Variants in MAX observed in about 807,000 individuals in gnomAD.
MAX encodes the protein MYC associated transcriptional regulator X.
A neutral mutation model predicts 22.3 loss-of-function variants in MAX; 3 were observed. The observed-to-expected ratio is 0.13, with a 90% CI of 0.06 to 0.35. The LOEUF is 0.35. MAX is among the 10% of genes least tolerant of loss of function. MAX has a pLI of 1.00. For missense variants in MAX, 119 were observed against 209.4 expected, an observed-to-expected ratio of 0.57 and a Z score of 2.66; for synonymous variants, 72 against 77.7, an observed-to-expected ratio of 0.93 and a Z score of 0.39.
rs1046124031 is a variant in MAX at position 65,017,664 on chromosome 14, T to A, written c.172-11380A>T. The stretch of plus-strand genomic sequence containing the variant: ...GAGAATGTTTAAAAAAAATTTTTTT[T>A]AAATGTAAAGCTGGGTGTGGTGGCT... On this transcript the variant is annotated intron_variant, in intron 3 of 3. Transcript: ENST00000341653. Among the ~76,000 whole-genome samples the A allele has an allele frequency of 2.3e-4, 35 of 152,170 alleles. 1 individual carries two copies. The highest frequency in any genetic ancestry group is 2.1e-3 in the Admixed American group (32 of 15,262).
intron 3 of MAX, chr14:65,061,304 A>G (rs757618028): frequency 3.7e-6 from 6 of 1,613,834 alleles, no homozygotes; most frequent in Non-Finnish European, 4.2e-6. Context: ...AGAGCCTGCA[A>G]CCGACTAGAG....
intron 3 of MAX, among the ~76,000 whole-genome samples, chr14:65,059,932 C>T (rs764323133): frequency 6.7e-6 from 1 of 149,766 alleles, no homozygotes; most frequent in African/African-American, 2.5e-5. Context: ...CTCCCGGGTT[C>T]AAGCAATTCT....
Position 65,011,266 on chromosome 14 carries a change from T to TA in MAX, c.172-4983dup, listed in dbSNP as rs1331030680. On this transcript the variant is annotated intron_variant, in intron 3 of 3. Transcript: ENST00000341653. The surrounding 1 kb of genome is among the most constrained non-coding windows in gnomAD (Gnocchi z 4.0). ...AACATGGTGAAACCCCCGTCTCCAC[T>TA]AAAAATACAAAAATTAGCTGGGTGT... Among the ~76,000 whole-genome samples the TA allele has an allele frequency of 1.3e-5, 2 of 151,932 alleles. No homozygotes were observed. Among genetic ancestry groups the TA allele is most frequent in the Non-Finnish European group, 2.9e-5 (2 of 67,976 alleles).
intron 3 of MAX, chr14:65,022,067 A>G: frequency 2.2e-6 from 1 of 456,072 alleles, no homozygotes; most frequent in South Asian, 1.5e-5. Context: ...GCCACCCGGA[A>G]TCAACAAGAG....
rs778457519 is a variant in MAX at position 65,077,368 on chromosome 14, T to C, written c.295+545A>G. 6.2e-7 allele frequency: 1 copy of C among 1,613,116 alleles called. No individual in the cohort carries two copies. Among genetic ancestry groups the C allele is most frequent in the South Asian group, 1.1e-5 (1 of 91,052 alleles). On this transcript the variant is annotated intron_variant, in intron 4 of 4. Transcript: ENST00000358664. This position sits in a 1 kb window ranked among gnomAD's most constrained non-coding sequence, Gnocchi z 6.3. ...CATTTCCTTTTACTTGCATCTTCCATGAGGGAGGAAGAGAAGTGAATTCCC... is the reference window on the plus strand; with the variant it reads ...CATTTCCTTTTACTTGCATCTTCCACGAGGGAGGAAGAGAAGTGAATTCCC...
At chr14:65,006,103 T>G, downstream of MAX, 1 of 1,584,230 alleles carries the variant, frequency 6.3e-7, no homozygotes, top group Non-Finnish European at 8.6e-7. Context: ...TCTAGGTACT[T>G]CTGCTTACTG....
intron 3 of MAX, chr14:65,091,999 G>C (rs1248476470): frequency 1.3e-5 from 2 of 152,088 alleles, no homozygotes; most frequent in South Asian, 2.1e-4. Flanking sequence ...TATTCCATTT[G>C]TAAGACTACC....
rs1474379394 is a variant in MAX, at chr14:65,029,079, G to A, written c.172-22795C>T. On this transcript the variant is annotated intron_variant, in intron 3 of 3. Transcript: ENST00000341653. The surrounding 1 kb of genome is among the most constrained non-coding windows in gnomAD (Gnocchi z 4.7). Reference sequence around the variant, plus strand: ...AATGCTAGGAAACTTCTCCAGTAAGGCAGCTTGGTTCCCCTGCCAAGCACT... The same window carrying A: ...AATGCTAGGAAACTTCTCCAGTAAGACAGCTTGGTTCCCCTGCCAAGCACT... 6.6e-6 allele frequency among the ~76,000 whole-genome samples: 1 copy of A among 151,986 alleles called. No homozygotes were observed. Among genetic ancestry groups the A allele is most frequent in the East Asian group, 1.9e-4 (1 of 5,194 alleles).
rs149430837 is a variant in MAX, at chr14:65,021,113, T to C, written c.172-14829A>G. On this transcript the variant is annotated intron_variant, in intron 3 of 3. Coordinates refer to the MAX transcript ENST00000341653. ...ATTAATATTTTGGAACTAGACTAAG[T>C]ACATTTGCTTTGCTTAATGGTTTTG... Among the ~76,000 whole-genome samples the C allele has an allele frequency of 3.2e-3, 488 of 152,344 alleles. 2 individuals carry two copies. The highest frequency in any genetic ancestry group is 0.011 in the African/African-American group (457 of 41,582).
In MAX at chr14:65,076,600, T is replaced by C. The variant is rs80206158; in HGVS notation, c.359A>G (p.Asn120Ser). 1.2e-6 allele frequency: 2 copies of C among 1,613,964 alleles called. No homozygotes were observed. Among genetic ancestry groups the C allele is most frequent in the Non-Finnish European group, 1.7e-6 (2 of 1,179,930 alleles). Reference protein sequence around the residue: ...QLQTNYPSSDNSLYTNAKGST... With the variant: ...QLQTNYPSSDSSLYTNAKGST... ...GCCCTTGGCGTTGGTGTAGAGGCTG[T>C]TGTCTGAGGAGGGGTAGTTGGTCTG... is the stretch of plus-strand genomic sequence containing the variant. Residue 120 changes from asparagine (N) to serine (S), a missense_variant, in exon 5 of 5, where the codon AAC becomes AGC. Asn to Ser is a conservative substitution (Grantham distance 46, BLOSUM62 1). Around this residue, in one of 3 missense-constraint regions of MAX, gnomAD observed 95 missense variants for 148.1 expected, o/e 0.64. Transcript: ENST00000358664. This position sits in a 1 kb window ranked among gnomAD's most constrained non-coding sequence, Gnocchi z 6.6.
At chr14:65,086,441 A>G (rs2063335783) in intron 3 of MAX, among the ~76,000 whole-genome samples, 1 of 152,358 alleles carries the variant, frequency 6.6e-6, no homozygotes, top group South Asian at 2.1e-4. Flanking sequence ...CAAAATGCTG[A>G]TAATGATATG....
At chr14:65,038,131 C>T (rs929212141) in intron 3 of MAX, among the ~76,000 whole-genome samples, 21 of 152,066 alleles carry the variant, frequency 1.4e-4, no homozygotes, top group African/African-American at 5.1e-4. Flanking sequence ...TACTTTGAGG[C>T]TGGGCGTGGT....
At position 65,076,295 on chromosome 14, in the gene MAX, G is replaced by A. The variant is rs548097455; in HGVS notation, c.*181C>T. ...ATTAAAAAATATACAGTGGAAATGG[G>A]GAAGGAGAACGAGAGCTGTTGTCCA... On this transcript the variant is annotated 3_prime_UTR_variant, in exon 5 of 5. Transcript: ENST00000358664. This position sits in a 1 kb window ranked among gnomAD's most constrained non-coding sequence, Gnocchi z 6.6. The A allele has an allele frequency of 7.6e-5, 111 of 1,463,582 alleles. No homozygotes were observed. The African/African-American group carries it at 1.4e-3, about 18-fold the overall frequency. 90.7% of individuals were successfully genotyped at this position (1,463,582 alleles called of 1,614,324 possible). A position where few individuals can be genotyped will look rare whatever the true frequency, so the allele number is the denominator to read the frequency against.
Position 65,077,139 on chromosome 14 carries a change from C to T in MAX, c.296-476G>A. ...TCCACTTGGAATGACAAGCTGGACACTTGGAAGCAAGTCACCAATACACAT... is the reference window on the plus strand; with the variant it reads ...TCCACTTGGAATGACAAGCTGGACATTTGGAAGCAAGTCACCAATACACAT... On this transcript the variant is annotated intron_variant, in intron 4 of 4. Transcript: ENST00000358664. This position sits in a 1 kb window ranked among gnomAD's most constrained non-coding sequence, Gnocchi z 6.3. The T allele has an allele frequency of 1.7e-6, 1 of 604,522 alleles. No homozygotes were observed. The highest frequency in any genetic ancestry group is 2.1e-5 in the South Asian group (1 of 48,692). The allele number at this position is 604,522 out of a possible 1,614,324, so 37.4% of individuals were successfully genotyped here.
At chr14:65,042,156 T>C (rs2062367089) in intron 3 of MAX, among the ~76,000 whole-genome samples, 1 of 151,952 alleles carries the variant, frequency 6.6e-6, no homozygotes, top group Non-Finnish European at 1.5e-5. Flanking sequence ...GGACCAGTTT[T>C]GTGGGAGATA....
intron 1 of MAX, chr14:65,101,790 G>T: frequency 3.4e-6 from 2 of 593,068 alleles, no homozygotes; most frequent in Non-Finnish European, 3.0e-6. Flanking sequence ...CCTCCTTCCG[G>T]GATCCGACCT....
intron 3 of MAX, among the ~76,000 whole-genome samples, chr14:65,017,898 T>C (rs1046328662): frequency 3.0e-4 from 46 of 152,084 alleles, no homozygotes; most frequent in Admixed American, 2.0e-4. Context: ...GAGGTTGCAG[T>C]GAGTCGAGAT....
At chr14:65,061,281 A>G (rs2139702381) in intron 3 of MAX, 1 of 1,614,098 alleles carries the variant, frequency 6.2e-7, no homozygotes, top group Non-Finnish European at 8.5e-7. Flanking sequence ...GAGCTTAAGG[A>G]TGAGACATCG....
Position 65,007,586 on chromosome 14 carries a change from T to C in MAX, c.172-1302A>G, listed in dbSNP as rs530485816. Among the ~76,000 whole-genome samples, 25 of 152,220 alleles carry C rather than the reference T, an allele frequency of 1.6e-4. No individual in the cohort carries two copies. Among genetic ancestry groups the C allele is most frequent in the Non-Finnish European group, 3.5e-4 (24 of 68,032 alleles). On this transcript the variant is annotated intron_variant, in intron 3 of 3. Transcript: ENST00000341653. This position sits in a 1 kb window ranked among gnomAD's most constrained non-coding sequence, Gnocchi z 4.9. The stretch of plus-strand genomic sequence containing the variant: ...CTTAATCCCCTTCCCAGAAATGATT[T>C]TCTTCTCTAAGGTTGGGACTGTCTA...
Sources: allele counts gnomAD v4.1 joint callset (sites outside exome capture counted in the v4.1 genomes callset), GRCh38; gene constraint gnomAD v4.1.1; regional missense constraint gnomAD v4.1.1; non-coding constraint Gnocchi (gnomAD v3.1); transcripts MANE v1.5; gene names NCBI Gene and HGNC (gene_info 2026-07-23, HGNC 2026-07-21).